The following LPIN2 variants were observed in gnomAD, a reference collection of about 807,000 sequenced individuals.
LPIN2 encodes the protein lipin 2, also known as phosphatidate phosphatase LPIN2.
Under a neutral mutation model 111.4 loss-of-function variants are expected in LPIN2, and 55 were observed. That is an observed-to-expected ratio of 0.49 (90% CI 0.40 to 0.62). LPIN2 has a LOEUF of 0.62. Ranked by LOEUF, LPIN2 falls within the 20% of genes least tolerant of loss-of-function variation. LPIN2 has a pLI of 0.00. For missense variants in LPIN2, 992 were observed against 1,112.1 expected, an observed-to-expected ratio of 0.89 and a Z score of 1.54; for synonymous variants, 425 against 414.0, an observed-to-expected ratio of 1.03 and a Z score of -0.32.
intron 1 of LPIN2, among the ~76,000 whole-genome samples, chr18:2,968,079 A>G (rs1246662113): frequency 1.3e-5 from 2 of 152,184 alleles, no homozygotes; most frequent in Non-Finnish European, 2.9e-5. Flanking sequence ...TCTCCTCAAG[A>G]ACACAGCGGG....
At chr18:3,005,368 A>G (rs1018930315) in intron 1 of LPIN2, among the ~76,000 whole-genome samples, 21 of 150,966 alleles carry the variant, frequency 1.4e-4, no homozygotes, top group Admixed American at 8.6e-4. Context: ...AAAAAAGAAA[A>G]AGAAAAAGAA....
At chr18:2,931,512 T>G in intron 8 of LPIN2, 69 bp from the exon 9 acceptor site, 7 of 1,473,734 alleles carry the variant, frequency 4.7e-6, no homozygotes, top group Non-Finnish European at 6.4e-6. Context: ...TACTGCATGG[T>G]TCTCTGGGGG....
In LPIN2 at chr18:2,927,829, G is replaced by C. The variant is rs375819924; in HGVS notation, c.1621-18C>G. 6.2e-7 allele frequency: 1 copy of C among 1,610,118 alleles called. No individual in the cohort carries two copies. The highest frequency in any genetic ancestry group is 8.5e-7 in the Non-Finnish European group (1 of 1,176,426). ...ACTGTGGCCTGAAAACAACCAACCT[G>C]GGTTAGTCTGGGCAATCTACTGGCC... On this transcript the variant is annotated intron_variant, in intron 11 of 19. Transcript: ENST00000677752.
At chr18:3,008,879 G>GTTT (rs76748358) in intron 1 of LPIN2, among the ~76,000 whole-genome samples, 2,824 of 123,248 alleles carry the variant, frequency 0.023, 164 homozygotes, top group African/African-American at 0.086. Flanking sequence ...CCACAGCTGT[G>GTTT]TTTTTTTTTT....
chr18:2,943,438 G>A (rs1022942592), intron 4 of LPIN2, among the ~76,000 whole-genome samples: 3 of 141,280 alleles, frequency 2.1e-5, no homozygotes, highest in African/African-American at 8.9e-5. Flanking sequence ...GCGTGTGTGT[G>A]TGTGTGTGTG....
chr18:2,995,709 T>C (rs1266280558), intron 1 of LPIN2, among the ~76,000 whole-genome samples: 1 of 152,224 alleles, frequency 6.6e-6, no homozygotes, highest in Non-Finnish European at 1.5e-5. Context: ...CATCAGATGT[T>C]GCTTTGAATG....
intron 1 of LPIN2, among the ~76,000 whole-genome samples, chr18:2,962,762 C>T (rs1262320365): frequency 2.0e-5 from 3 of 151,746 alleles, no homozygotes; most frequent in African/African-American, 7.3e-5. Flanking sequence ...TCCAAGCAGT[C>T]AATCTTGGTA....
rs756115308 is a variant in LPIN2, at chr18:2,946,327, A to G, written c.590+4728T>C. ...TCTTGACCTCAGGTTTGACTGGCTC[A>G]GGTGGCTTCTCACTATTATGTCTAC... On this transcript the variant is annotated intron_variant, in intron 4 of 19. Transcript: ENST00000677752. The G allele has an allele frequency of 1.7e-5, 25 of 1,513,210 alleles. No individual in the cohort carries two copies. The African/African-American group carries it at 3.3e-4, about 20-fold the overall frequency. 93.7% of individuals were successfully genotyped at this position (1,513,210 alleles called of 1,614,324 possible). A position where few individuals can be genotyped will look rare whatever the true frequency, so the allele number is the denominator to read the frequency against.
At chr18:2,930,767 A>G (rs635500) in intron 9 of LPIN2, among the ~76,000 whole-genome samples, 144,909 of 152,300 alleles carry the variant, frequency 0.95, 69,113 homozygotes, top group East Asian at 1. Flanking sequence ...TTACTCTCGT[A>G]GGCCAACCCT....
rs150395833 is a variant in LPIN2, at chr18:3,007,155, TTTAG to T, written c.-10+5928_-10+5931del. Among the ~76,000 whole-genome samples, 710 of 152,208 alleles carry T rather than the reference TTTAG, an allele frequency of 4.7e-3. 8 individuals are homozygous for T. The highest frequency in any genetic ancestry group is 0.015 in the African/African-American group (641 of 41,528). ...CTATGTCAAATAGGTACCTATTATA[TTTAG>T]TTAGTTATTTATTTTTATTTATCTT... On this transcript the variant is annotated intron_variant, in intron 1 of 19. Coordinates refer to ENST00000677752, the MANE Select transcript of LPIN2 (RefSeq NM_001375808.2).
intron 5 of LPIN2, 99 bp downstream of exon 5, chr18:2,940,506 G>T: frequency 1.4e-6 from 1 of 722,026 alleles, no homozygotes; most frequent in Non-Finnish European, 2.5e-6. Context: ...TTGGCTGTGT[G>T]AGAGAAATGG....
intron 1 of LPIN2, among the ~76,000 whole-genome samples, chr18:2,996,126 G>A (rs1182576206): frequency 2.6e-5 from 4 of 152,096 alleles, no homozygotes; most frequent in African/African-American, 9.7e-5. Flanking sequence ...GGATCATGAG[G>A]TCAGGAGATT....
At chr18:3,006,520 G>C (rs1020117933) in intron 1 of LPIN2, among the ~76,000 whole-genome samples, 2 of 152,048 alleles carry the variant, frequency 1.3e-5, no homozygotes, top group Non-Finnish European at 2.9e-5. Flanking sequence ...GTGAAGCCTG[G>C]TCTCTACAAA....
chr18:2,939,146 G>GTT (rs2077333916), intron 6 of LPIN2, among the ~76,000 whole-genome samples: 2 of 152,146 alleles, frequency 1.3e-5, no homozygotes, highest in Non-Finnish European at 2.9e-5. Context: ...GGGTGACAGA[G>GTT]CAAGAACTCT....
chr18:2,921,047 TAC>T (rs1357614797), intron 18 of LPIN2, 166 bp from the exon 19 acceptor site: 1 of 679,318 alleles, frequency 1.5e-6, no homozygotes, highest in Non-Finnish European at 2.7e-6. Flanking sequence ...AAACCTAAAC[TAC>T]AGAGTGGTGC....
chr18:2,922,539 A>T (rs1243586688), intron 16 of LPIN2, among the ~76,000 whole-genome samples: 1 of 152,152 alleles, frequency 6.6e-6, no homozygotes, highest in African/African-American at 2.4e-5. Flanking sequence ...AGCCTCCCAA[A>T]GTGCTGGGAT....
chr18:2,972,691 AG>A (rs1299879312), intron 1 of LPIN2, among the ~76,000 whole-genome samples: 1 of 152,208 alleles, frequency 6.6e-6, no homozygotes, highest in African/African-American at 2.4e-5. Context: ...CACCCTCAAA[AG>A]GGGGCCCCAA....
intron 5 of LPIN2, 45 bp from the exon 6 acceptor site, chr18:2,939,648 C>A: frequency 1.2e-6 from 2 of 1,606,216 alleles, no homozygotes; most frequent in Non-Finnish European, 1.7e-6. Context: ...AGTCGGGAAA[C>A]CTTCAGTCTT....
chr18:2,941,517 C>T (rs2077366521), intron 4 of LPIN2, among the ~76,000 whole-genome samples: 1 of 152,190 alleles, frequency 6.6e-6, no homozygotes, highest in Non-Finnish European at 1.5e-5. Flanking sequence ...GCACTGTGGG[C>T]CCCCGTTTTC....
Sources: allele counts gnomAD v4.1 joint callset (sites outside exome capture counted in the v4.1 genomes callset), GRCh38; gene constraint gnomAD v4.1.1; transcripts MANE v1.5; gene names NCBI Gene and HGNC (gene_info 2026-07-23, HGNC 2026-07-21).